Variants in PRKD3 observed in about 807,000 individuals in gnomAD.
The protein encoded by PRKD3 is protein kinase D3, also known as serine/threonine-protein kinase D3.
Under a neutral mutation model 99.2 loss-of-function variants are expected in PRKD3, and 47 were observed. That is an observed-to-expected ratio of 0.47 (90% CI 0.38 to 0.60). PRKD3 has a LOEUF of 0.60. Ranked by LOEUF, PRKD3 falls within the 20% of genes least tolerant of loss-of-function variation. PRKD3 has a pLI of 0.00. For synonymous variants in PRKD3, 392 were observed against 355.4 expected (o/e 1.10, Z -1.16); for missense variants, 1,019 against 1,088.4 (o/e 0.94, Z 0.90).
intron 1 of PRKD3, among the ~76,000 whole-genome samples, chr2:37,322,852 CATT>C: frequency 6.6e-6 from 1 of 152,104 alleles, no homozygotes. Context: ...TTATAAGCAG[CATT>C]ATATCAAATT....
At chr2:37,297,855 G>T (rs1256936323) in intron 2 of PRKD3, among the ~76,000 whole-genome samples, 12 of 152,138 alleles carry the variant, frequency 7.9e-5, no homozygotes, top group Admixed American at 7.9e-4. Context: ...TTGAGGTAGT[G>T]TTTGTCAGGT....
At chr2:37,272,025 G>A (rs1385700619) in intron 12 of PRKD3, among the ~76,000 whole-genome samples, 2 of 152,056 alleles carry the variant, frequency 1.3e-5, no homozygotes, top group African/African-American at 2.4e-5. Context: ...CATCCATTCA[G>A]CACTTCTGTC....
chr2:37,306,388 G>A (rs543743747), intron 2 of PRKD3, among the ~76,000 whole-genome samples: 2 of 152,264 alleles, frequency 1.3e-5, no homozygotes, highest in South Asian at 4.1e-4. Context: ...ACCTCTAGAA[G>A]GCAGAGATCT....
At position 37,316,608 on chromosome 2, in the gene PRKD3, A is replaced by T; in HGVS notation, c.-84T>A. ...GTTTTTAAAATAACAGCAGTAAAGA[A>T]AATGACCGCACTTTTGGATTTAGTT... On this transcript the variant is annotated 5_prime_UTR_variant, in exon 2 of 19. Transcript: ENST00000234179. 6.6e-7 allele frequency: 1 copy of T among 1,518,630 alleles called. No individual in the cohort carries two copies. The highest frequency in any genetic ancestry group is 2.3e-5 in the East Asian group (1 of 43,780). 94.1% of individuals were successfully genotyped at this position (1,518,630 alleles called of 1,614,324 possible). A position where few individuals can be genotyped will look rare whatever the true frequency, so the allele number is the denominator to read the frequency against.
intron 4 of PRKD3, 152 bp downstream of exon 4, chr2:37,290,716 G>A (rs1670374120): frequency 2.7e-6 from 2 of 754,530 alleles, no homozygotes; most frequent in African/African-American, 3.5e-5. Context: ...TGAAGTAGGT[G>A]GCAGAGATAA....
At chr2:37,280,624 A>T (rs966142517) in intron 7 of PRKD3, among the ~76,000 whole-genome samples, 7 of 152,224 alleles carry the variant, frequency 4.6e-5, no homozygotes, top group Admixed American at 2.0e-4. Flanking sequence ...CTCAAAGTGG[A>T]TCACATAAAA....
chr2:37,307,851 T>C (rs1002130194), intron 2 of PRKD3, among the ~76,000 whole-genome samples: 5 of 152,240 alleles, frequency 3.3e-5, no homozygotes. Context: ...CAACGATAAA[T>C]GATCTGTTAG....
At chr2:37,288,264 CCT>C (rs1670216866) in intron 5 of PRKD3, among the ~76,000 whole-genome samples, 1 of 152,106 alleles carries the variant, frequency 6.6e-6, no homozygotes, top group East Asian at 1.9e-4. Flanking sequence ...CTAACTTTTT[CCT>C]ACTAATCTTT....
intron 2 of PRKD3, among the ~76,000 whole-genome samples, chr2:37,295,072 C>G (rs1023215439): frequency 2.6e-5 from 4 of 152,130 alleles, no homozygotes; most frequent in Non-Finnish European, 4.4e-5. Flanking sequence ...GAATGAGGCT[C>G]CGTCACAAAC....
intron 14 of PRKD3, among the ~76,000 whole-genome samples, chr2:37,266,247 C>T (rs1371734570): frequency 1.3e-5 from 2 of 152,132 alleles, no homozygotes; most frequent in Non-Finnish European, 2.9e-5. Flanking sequence ...AGTTTCTTAC[C>T]TTCTTCAAGG....
intron 10 of PRKD3, among the ~76,000 whole-genome samples, chr2:37,274,928 C>A (rs951168102): frequency 2.0e-5 from 3 of 152,110 alleles, no homozygotes; most frequent in African/African-American, 7.2e-5. Flanking sequence ...AGTAGCAGAT[C>A]ATTAGGATGC....
chr2:37,266,927 C>T (rs962135935), intron 14 of PRKD3, among the ~76,000 whole-genome samples: 2 of 152,232 alleles, frequency 1.3e-5, no homozygotes, highest in African/African-American at 2.4e-5. Context: ...TCTAGATGAC[C>T]GCCCCCAAGG....
intron 2 of PRKD3, among the ~76,000 whole-genome samples, chr2:37,313,338 A>G (rs953732128): frequency 2.1e-4 from 10 of 46,816 alleles, no homozygotes; most frequent in African/African-American, 6.8e-4. Flanking sequence ...GGAATTGATG[A>G]AAAAAAAAAA....
intron 14 of PRKD3, among the ~76,000 whole-genome samples, chr2:37,266,484 C>T (rs1668850928): frequency 6.7e-6 from 1 of 149,082 alleles, no homozygotes; most frequent in South Asian, 2.1e-4. Context: ...TGCCACCACA[C>T]CCGGCTTTTT....
At position 37,302,076 on chromosome 2, in the gene PRKD3, T is replaced by A. The variant is rs573821172; in HGVS notation, c.289-8805A>T. Among the ~76,000 whole-genome samples the A allele has an allele frequency of 8.5e-5, 13 of 152,282 alleles. No homozygotes were observed. The East Asian group carries it at 2.3e-3, about 27-fold the overall frequency. On this transcript the variant is annotated intron_variant, in intron 2 of 18. Transcript: ENST00000234179. ...TCAAGAGAATAAAGAGGCTAGGAAA[T>A]GTGGAAGAAGTTGGCAACCTTTTGA...
chr2:37,279,234 T>G (rs1053258536), intron 8 of PRKD3: 6 of 152,244 alleles, frequency 3.9e-5, no homozygotes, highest in African/African-American at 1.4e-4. Flanking sequence ...GTGGCATATT[T>G]AGAATGGTTT....
chr2:37,321,541 G>C (rs1020145889), intron 1 of PRKD3, among the ~76,000 whole-genome samples: 5 of 152,274 alleles, frequency 3.3e-5, no homozygotes, highest in Admixed American at 2.0e-4. Context: ...TCTAACAGCA[G>C]TATTTCCACT....
chr2:37,272,743 A>C (rs981581511), intron 11 of PRKD3, among the ~76,000 whole-genome samples: 2 of 152,154 alleles, frequency 1.3e-5, no homozygotes, highest in African/African-American at 2.4e-5. Context: ...ATCCCAGTGC[A>C]TTAGGACGCT....
rs1670523262 is a variant in PRKD3 at position 37,293,207 on chromosome 2, G to A, written c.353C>T (p.Ser118Leu). The change falls in exon 3 of 19, where the codon TCA becomes TTA. Residue 118 changes from serine to leucine, a missense_variant. Coordinates refer to ENST00000234179, the MANE Select transcript of PRKD3 (RefSeq NM_005813.6). ...KILLFRHDMNSENILQLITSA... is the reference protein window; with the variant it reads ...KILLFRHDMNLENILQLITSA... Reference sequence around the variant, plus strand: ...GGTAATCAGCTGCAAAATGTTTTCTGAGTTCATGTCATGGCGAAAGAGAAG... The same window carrying A: ...GGTAATCAGCTGCAAAATGTTTTCTAAGTTCATGTCATGGCGAAAGAGAAG... 4 of 1,605,716 alleles carry A rather than the reference G, an allele frequency of 2.5e-6. No individual in the cohort carries two copies. The highest frequency in any genetic ancestry group is 8.5e-7 in the Non-Finnish European group (1 of 1,173,728).
Sources: gnomAD v4.1 joint callset for allele counts (sites outside exome capture counted in the v4.1 genomes callset) on GRCh38, gnomAD v4.1.1 for gene constraint, MANE v1.5 for transcripts, NCBI Gene and HGNC (gene_info 2026-07-23, HGNC 2026-07-21) for gene names.